Variants in SSPN observed in about 807,000 individuals in gnomAD.
SSPN encodes the protein sarcospan.
Under a neutral mutation model 19.1 loss-of-function variants are expected in SSPN, and 15 were observed. That is an observed-to-expected ratio of 0.78 (90% CI 0.52 to 1.21). The LOEUF is 1.21. Ranked by LOEUF, SSPN falls within the 50% of genes most tolerant of loss-of-function variation. SSPN has a pLI of 0.00. For missense variants in SSPN, 291 were observed against 314.0 expected (o/e 0.93, Z 0.55); for synonymous variants, 147 against 140.3 (o/e 1.05, Z -0.34).
chr12:26,149,220 A>G (rs1279286098), intron 1 of SSPN, among the ~76,000 whole-genome samples: 2 of 152,192 alleles, frequency 1.3e-5, no homozygotes, highest in African/African-American at 4.8e-5. Flanking sequence ...AACATTCAAT[A>G]AAAGTCTACT....
At chr12:26,170,063 C>G (rs1321121274) in intron 1 of SSPN, among the ~76,000 whole-genome samples, 1 of 152,120 alleles carries the variant, frequency 6.6e-6, no homozygotes, top group Admixed American at 6.5e-5. Flanking sequence ...TCTGAAGAGA[C>G]AGTGCAAAGG....
intron 1 of SSPN, chr12:26,179,956 T>C (rs1591864343): frequency 9.1e-6 from 1 of 110,212 alleles, no homozygotes. Context: ...AGGGCCATAG[T>C]GAAATATTTA....
chr12:26,155,462 C>T (rs1206347146), intron 1 of SSPN, among the ~76,000 whole-genome samples: 2 of 152,114 alleles, frequency 1.3e-5, no homozygotes, highest in African/African-American at 2.4e-5. Flanking sequence ...TCACGTTACC[C>T]TTAAATGGTA....
At chr12:26,122,334 G>A in intron 1 of SSPN, 1 of 1,177,362 alleles carries the variant, frequency 8.5e-7, no homozygotes, top group Non-Finnish European at 1.0e-6. Context: ...TGCCGCCGGG[G>A]CGGGGATGCC....
At chr12:26,133,451 C>T (rs1490812789) in intron 1 of SSPN, among the ~76,000 whole-genome samples, 3 of 152,168 alleles carry the variant, frequency 2.0e-5, no homozygotes, top group African/African-American at 7.2e-5. Flanking sequence ...GAGCTTCTTC[C>T]CTGCTTTTAA....
At chr12:26,197,191 G>A (rs58292015) in intron 1 of SSPN, among the ~76,000 whole-genome samples, 17,660 of 152,134 alleles carry the variant, frequency 0.12, 1,259 homozygotes, top group Non-Finnish European at 0.17. Flanking sequence ...CTCACAAAAC[G>A]TCCCTCAAAA....
chr12:26,159,087 C>G (rs1944572646), intron 1 of SSPN, among the ~76,000 whole-genome samples: 1 of 152,212 alleles, frequency 6.6e-6, no homozygotes, highest in Non-Finnish European at 1.5e-5. Flanking sequence ...CTGCCCATGG[C>G]TGGAGCCTGG....
chr12:26,123,895 T>C, intron 1 of SSPN: 2 of 752,552 alleles, frequency 2.7e-6, no homozygotes, highest in Non-Finnish European at 4.7e-6. Context: ...AGGTTATAAA[T>C]GATTTCTTGC....
chr12:26,199,514 G>A (rs2137461492), intron 1 of SSPN, among the ~76,000 whole-genome samples: 1 of 152,332 alleles, frequency 6.6e-6, no homozygotes, highest in East Asian at 1.9e-4. Context: ...AAGTGAAATA[G>A]CAACTTTTGA....
chr12:26,184,709 T>C (rs1944740939), intron 1 of SSPN, among the ~76,000 whole-genome samples: 1 of 152,154 alleles, frequency 6.6e-6, no homozygotes, highest in African/African-American at 2.4e-5. Context: ...CTCTTCTAGA[T>C]GAGCATCCAC....
upstream of SSPN, among the ~76,000 whole-genome samples, chr12:26,194,270 T>A (rs539434988): frequency 2.6e-5 from 4 of 152,350 alleles, no homozygotes; most frequent in South Asian, 8.3e-4. Flanking sequence ...CAAGTCTATT[T>A]TGAACATCTT....
intron 1 of SSPN, among the ~76,000 whole-genome samples, chr12:26,144,872 T>G (rs1003580524): frequency 2.0e-4 from 30 of 152,352 alleles, no homozygotes; most frequent in African/African-American, 6.7e-4. Flanking sequence ...AAATTCATAT[T>G]AAAAGTTATG....
intron 1 of SSPN, chr12:26,125,203 C>T (rs1484989558): frequency 6.3e-6 from 2 of 319,802 alleles, no homozygotes; most frequent in Non-Finnish European, 1.2e-5. Context: ...GGCGGGGACA[C>T]CTGATCAGGG....
intron 1 of SSPN, among the ~76,000 whole-genome samples, chr12:26,199,682 C>G (rs1465938071): frequency 6.6e-6 from 1 of 152,292 alleles, no homozygotes; most frequent in East Asian, 1.9e-4. Flanking sequence ...TTGAAGTAAT[C>G]TAAGGACTTT....
chr12:26,189,688 GATTCCTTTACGTAT>G (rs1006418874), intron 1 of SSPN, among the ~76,000 whole-genome samples: 3 of 152,138 alleles, frequency 2.0e-5, no homozygotes, highest in African/African-American at 7.2e-5. Context: ...TGTCTCGATA[GATTCCTTTACGTAT>G]ATTCTCCTCC....
chr12:26,190,298 A>C (rs1264603961), intron 1 of SSPN, among the ~76,000 whole-genome samples: 1 of 152,172 alleles, frequency 6.6e-6, no homozygotes, highest in Non-Finnish European at 1.5e-5. Flanking sequence ...TGCTTTCTCA[A>C]TCTCAGAATC....
chr12:26,122,333 G>C, intron 1 of SSPN: 4 of 1,175,998 alleles, frequency 3.4e-6, no homozygotes, highest in Non-Finnish European at 4.2e-6. Context: ...CTGCCGCCGG[G>C]GCGGGGATGC....
chr12:26,172,616 C>G (rs1944660249), intron 1 of SSPN, among the ~76,000 whole-genome samples: 1 of 152,018 alleles, frequency 6.6e-6, no homozygotes, highest in African/African-American at 2.4e-5. Flanking sequence ...AATAATGTAG[C>G]CTGCATGTTC....
At chr12:26,221,497 A>C (rs575505381) in intron 1 of SSPN, among the ~76,000 whole-genome samples, 29 of 152,236 alleles carry the variant, frequency 1.9e-4, no homozygotes, top group Non-Finnish European at 3.7e-4. Context: ...TATGTCCTCC[A>C]TAAAATTCTG....
Sources: allele counts gnomAD v4.1 joint callset (sites outside exome capture counted in the v4.1 genomes callset), GRCh38; gene constraint gnomAD v4.1.1; transcripts MANE v1.5; gene names NCBI Gene and HGNC (gene_info 2026-07-23, HGNC 2026-07-21).